The following NCOA1 variants were observed in gnomAD, a reference collection of about 807,000 sequenced individuals.
NCOA1 encodes nuclear receptor coactivator 1.
In NCOA1, 35 loss-of-function variants were observed where a neutral mutation model predicts 150.9. The ratio of observed to expected loss-of-function variants is 0.23; its 90% CI spans 0.18 to 0.31. The LOEUF (loss-of-function observed/expected upper bound fraction) is 0.31, where lower values mean the gene tolerates loss of function less well. NCOA1 is among the 10% of genes least tolerant of loss of function. NCOA1 has a pLI of 1.00. For missense variants in NCOA1, 1,491 were observed against 1,749.3 expected (o/e 0.85, Z 2.63); for synonymous variants, 590 against 630.0 (o/e 0.94, Z 0.95).
At chr2:24,705,022 G>A in intron 11 of NCOA1, 64 bp from the exon 12 acceptor site, 2 of 1,529,616 alleles carry the variant, frequency 1.3e-6, no homozygotes, top group Non-Finnish European at 1.8e-6. Context: ...AATAAAACCT[G>A]GTGACTTAAA....
intron 3 of NCOA1, among the ~76,000 whole-genome samples, chr2:24,621,406 T>G (rs1438190084): frequency 2.0e-5 from 1 of 49,708 alleles, no homozygotes; most frequent in Non-Finnish European, 7.2e-5. Flanking sequence ...GATTTCATTT[T>G]TTGTGTTATG....
intron 1 of NCOA1, among the ~76,000 whole-genome samples, chr2:24,528,344 C>CTTTT (rs375096042): frequency 1.1e-4 from 14 of 125,842 alleles, no homozygotes; most frequent in South Asian, 2.6e-4. Flanking sequence ...CAATTTCATT[C>CTTTT]TTTTTTTTTT....
chr2:24,581,195 G>T (rs549464488), intron 2 of NCOA1, among the ~76,000 whole-genome samples: 1 of 152,206 alleles, frequency 6.6e-6, no homozygotes, highest in Non-Finnish European at 1.5e-5. Context: ...ACTCTGCTAG[G>T]CTTCTCCAAA....
chr2:24,692,594 A>ATT (rs1179300777), intron 9 of NCOA1, among the ~76,000 whole-genome samples: 3 of 152,230 alleles, frequency 2.0e-5, no homozygotes, highest in Admixed American at 6.5e-5. Context: ...AATATAAGAA[A>ATT]TTGACTACAA....
intron 7 of NCOA1, among the ~76,000 whole-genome samples, chr2:24,677,738 T>C (rs1323693519): frequency 3.9e-5 from 6 of 152,160 alleles, no homozygotes; most frequent in Non-Finnish European, 8.8e-5. Flanking sequence ...AGAGGTTTAA[T>C]TGACTTACAG....
At position 24,726,609 on chromosome 2, in the gene NCOA1, G is replaced by A; in HGVS notation, c.2620G>A (p.Glu874Lys). The A allele has an allele frequency of 6.2e-7, 1 of 1,608,854 alleles. No individual in the cohort carries two copies. ...ATCAGGATTACCTGAGCTGGAATTG[G>A]AAGCAATTGATAACCAATTTGGACA... The part of the protein sequence containing the change: ...RLNRLPELEL[E>K]AIDNQFGQPG... The change falls in exon 15 of 23, where the codon GAA becomes AAA. Residue 874 changes from glutamate to lysine, a missense_variant. Around this residue, in one of 8 missense-constraint regions of NCOA1, gnomAD observed 703 missense variants for 717.7 expected, o/e 0.98. Coordinates refer to ENST00000348332, the MANE Select transcript of NCOA1 (RefSeq NM_003743.5).
At chr2:24,620,641 T>A (rs2148406389) in intron 3 of NCOA1, among the ~76,000 whole-genome samples, 1 of 152,246 alleles carries the variant, frequency 6.6e-6, no homozygotes, top group Non-Finnish European at 1.5e-5. Flanking sequence ...ATATTATGAG[T>A]CTTTCTGGGA....
intron 4 of NCOA1, among the ~76,000 whole-genome samples, chr2:24,649,804 A>T (rs1004937000): frequency 6.6e-6 from 1 of 152,196 alleles, no homozygotes; most frequent in Admixed American, 6.5e-5. Flanking sequence ...ATGCAAAGAA[A>T]AAAAGCATTG....
At chr2:24,736,372 G>A (rs1265097953) in intron 17 of NCOA1, among the ~76,000 whole-genome samples, 4 of 152,002 alleles carry the variant, frequency 2.6e-5, no homozygotes, top group African/African-American at 9.7e-5. Context: ...GAAAGTGACA[G>A]TGAGACACAT....
chr2:24,613,241 C>T (rs1179466541), intron 3 of NCOA1, among the ~76,000 whole-genome samples: 4 of 152,124 alleles, frequency 2.6e-5, no homozygotes, highest in East Asian at 3.9e-4. Context: ...CAGTAGATGG[C>T]GCTTACGGGT....
At chr2:24,732,241 T>C (rs1267750163) in intron 17 of NCOA1, among the ~76,000 whole-genome samples, 2 of 152,232 alleles carry the variant, frequency 1.3e-5, no homozygotes, top group Admixed American at 1.3e-4. Context: ...AAGTTGCTGC[T>C]CTTTGCTTCC....
Position 24,752,024 on chromosome 2 carries a change from G to T in NCOA1, c.3749G>T (p.Ser1250Ile), listed in dbSNP as rs754718198. Residue 1250 changes from serine (S) to isoleucine (I), a missense_variant, in exon 20 of 23, where the codon AGC becomes ATC. Ser to Ile is a moderately radical substitution (Grantham distance 142, BLOSUM62 -2). Around this residue, in one of 8 missense-constraint regions of NCOA1, gnomAD observed 485 missense variants for 522.8 expected, o/e 0.93. Transcript: ENST00000348332. ...QGEANFAPSL[S>I]PGSSMVPMPI... ...GAGGCCAACTTTGCTCCATCTCTAA[G>T]CCCTGGGAGCTCCATGGTGCCGATG... 6.8e-6 allele frequency: 11 copies of T among 1,613,912 alleles called. No homozygotes were observed. The highest frequency in any genetic ancestry group is 1.1e-5 in the South Asian group (1 of 91,074).
At chr2:24,569,081 TATCCCAC>T (rs1199190951) in intron 2 of NCOA1, among the ~76,000 whole-genome samples, 2 of 152,202 alleles carry the variant, frequency 1.3e-5, no homozygotes, top group Non-Finnish European at 2.9e-5. Context: ...TATCAATTCA[TATCCCAC>T]TTTTTTCAGA....
intron 3 of NCOA1, among the ~76,000 whole-genome samples, chr2:24,619,287 A>G (rs1186177107): frequency 6.6e-6 from 1 of 152,202 alleles, no homozygotes; most frequent in Non-Finnish European, 1.5e-5. Flanking sequence ...CTTCTTGTGA[A>G]AGCTTACATG....
chr2:24,526,093 A>G (rs1486486540), intron 1 of NCOA1, among the ~76,000 whole-genome samples: 1 of 152,038 alleles, frequency 6.6e-6, no homozygotes, highest in African/African-American at 2.4e-5. Flanking sequence ...TTTCTTGGAT[A>G]TCATTGTTTT....
intron 1 of NCOA1, among the ~76,000 whole-genome samples, chr2:24,559,371 G>GTCGC (rs1666205190): frequency 6.6e-6 from 1 of 152,164 alleles, no homozygotes; most frequent in African/African-American, 2.4e-5. Context: ...AGAATGGCAT[G>GTCGC]TCGCTCTACA....
At position 24,593,178 on chromosome 2, in the gene NCOA1, G is replaced by A. The variant is rs572209834; in HGVS notation, c.-175+8618G>A. ...AGTAAGTAATTTGTTAGAAGTCAGC[G>A]TTGGCAGCAAGCACTGTCTTGACGG... is the stretch of plus-strand genomic sequence containing the variant. On this transcript the variant is annotated intron_variant, in intron 3 of 22. Coordinates refer to ENST00000348332, the MANE Select transcript of NCOA1 (RefSeq NM_003743.5). Among the ~76,000 whole-genome samples the A allele has an allele frequency of 1.1e-4, 16 of 152,240 alleles. No homozygotes were observed. In the East Asian group the frequency reaches 1.2e-3, roughly 11 times the overall value.
At chr2:24,763,335 T>G (rs969613254) in intron 22 of NCOA1, among the ~76,000 whole-genome samples, 2 of 151,652 alleles carry the variant, frequency 1.3e-5, no homozygotes, top group Non-Finnish European at 2.9e-5. Context: ...GTCAGGAGAT[T>G]AAGACCATCC....
At chr2:24,698,705 T>C (rs940287370) in intron 11 of NCOA1, among the ~76,000 whole-genome samples, 2 of 152,216 alleles carry the variant, frequency 1.3e-5, no homozygotes, top group African/African-American at 4.8e-5. Context: ...AGAATCTCAT[T>C]GTATGGCTTT....
Sources: gnomAD v4.1 joint callset for allele counts (sites outside exome capture counted in the v4.1 genomes callset) on GRCh38, gnomAD v4.1.1 for gene constraint, gnomAD v4.1.1 regional missense constraint, MANE v1.5 for transcripts, NCBI Gene and HGNC (gene_info 2026-07-23, HGNC 2026-07-21) for gene names.